The following PDE2A variants were observed in gnomAD, a reference collection of about 807,000 sequenced individuals.
PDE2A encodes the protein cGMP-dependent 3',5'-cyclic phosphodiesterase.
In PDE2A, 53 loss-of-function variants were observed where a neutral mutation model predicts 133.6. That is an observed-to-expected ratio of 0.40 (90% CI 0.32 to 0.50). The LOEUF is 0.50. Among genes scored for constraint, PDE2A ranks in the 20% least tolerant of loss-of-function variants. The pLI, the probability that PDE2A is intolerant of heterozygous loss-of-function variation, is 0.73. For missense variants in PDE2A, 796 were observed against 1,232.4 expected, an observed-to-expected ratio of 0.65 and a Z score of 5.30; for synonymous variants, 491 against 490.2, an observed-to-expected ratio of 1.00 and a Z score of -0.02.
intron 2 of PDE2A, chr11:72,636,189 T>G: frequency 9.7e-7 from 1 of 1,028,666 alleles, no homozygotes; most frequent in African/African-American, 1.7e-5. Context: ...AACAGGAAGG[T>G]CCTGGAGCTG....
In PDE2A at chr11:72,597,778, T is replaced by C. The variant is rs1856554669; in HGVS notation, c.324-159A>G. On this transcript the variant is annotated intron_variant, in intron 4 of 30. Transcript: ENST00000334456. This position sits in a 1 kb window ranked among gnomAD's most constrained non-coding sequence, Gnocchi z 4.6. ...CACGATGACAGCACAAGTAAAAAAG[T>C]AGGGGACCCTGGACCCTATGTGGAG... Among the ~76,000 whole-genome samples the C allele has an allele frequency of 6.6e-6, 1 of 152,166 alleles. No individual in the cohort carries two copies. The highest frequency in any genetic ancestry group is 2.1e-4 in the South Asian group (1 of 4,832).
At chr11:72,627,313 A>T (rs1858130052) in intron 2 of PDE2A, among the ~76,000 whole-genome samples, 1 of 152,340 alleles carries the variant, frequency 6.6e-6, no homozygotes, top group Admixed American at 6.5e-5. Flanking sequence ...CCCGTGGGGT[A>T]ACAGGTTTCC....
chr11:72,590,376 C>G lies in PDE2A; in HGVS notation c.703+51G>C. ...ATCGCCTAACCCGCCCACCTCCCCTCCAAGTTCTGCCCGGCCCCGCCCTCG... is the reference window on the plus strand; with the variant it reads ...ATCGCCTAACCCGCCCACCTCCCCTGCAAGTTCTGCCCGGCCCCGCCCTCG... On this transcript the variant is annotated intron_variant, in intron 8 of 30. Transcript: ENST00000334456. This position sits in a 1 kb window ranked among gnomAD's most constrained non-coding sequence, Gnocchi z 4.8. 6.4e-7 allele frequency: 1 copy of G among 1,562,594 alleles called. No homozygotes were observed. The highest frequency in any genetic ancestry group is 1.2e-5 in the South Asian group (1 of 84,990).
In PDE2A at chr11:72,589,200, G is replaced by A. The variant is rs778574876; in HGVS notation, c.914C>T (p.Ser305Phe). The A allele has an allele frequency of 2.0e-5, 33 of 1,613,750 alleles. No individual in the cohort carries two copies. Among genetic ancestry groups the A allele is most frequent in the Middle Eastern group, 1.6e-4 (1 of 6,084 alleles). The change falls in exon 12 of 31, where the codon TCC becomes TTC. Residue 305 changes from serine (S) to phenylalanine (F), a missense_variant. Physicochemically the swap from Ser to Phe is radical, Grantham distance 155. Around this residue, in one of 7 missense-constraint regions of PDE2A, gnomAD observed 417 missense variants for 475.3 expected, o/e 0.88. Transcript: ENST00000334456. ...GGAGGTGAGGTCCTTCAGCTGGATG[G>A]ACTTCTTGTCTTCCACCACCTGGCC... is the stretch of plus-strand genomic sequence containing the variant. ...CLGQVVEDKKSIQLKDLTSED... is the reference protein window; with the variant it reads ...CLGQVVEDKKFIQLKDLTSED...
intron 2 of PDE2A, chr11:72,631,008 C>T: frequency 7.6e-7 from 1 of 1,313,174 alleles, no homozygotes; most frequent in South Asian, 1.3e-5. Context: ...GAGGGCACCA[C>T]TCAGACTGAT....
chr11:72,602,874 C>A (rs1260118386), intron 4 of PDE2A, among the ~76,000 whole-genome samples: 9 of 152,240 alleles, frequency 5.9e-5, no homozygotes, highest in Admixed American at 2.0e-4. Context: ...AAGTCCCCAT[C>A]CTGCTGGGAG....
chr11:72,595,035 GACAC>G (rs34720227), intron 6 of PDE2A, among the ~76,000 whole-genome samples: 82,271 of 148,590 alleles, frequency 0.55, 22,834 homozygotes, highest in East Asian at 0.72. Flanking sequence ...GCGTCCCTGA[GACAC>G]ACACACACAC....
chr11:72,600,804 C>T (rs1483403096), intron 4 of PDE2A, among the ~76,000 whole-genome samples: 1 of 152,100 alleles, frequency 6.6e-6, no homozygotes, highest in African/African-American at 2.4e-5. Flanking sequence ...GCACTGGGTG[C>T]CTGGGTGGTC....
intron 1 of PDE2A, chr11:72,668,200 T>C: frequency 1.4e-6 from 1 of 714,470 alleles, no homozygotes; most frequent in South Asian, 1.5e-5. Flanking sequence ...TGTCCACATC[T>C]TGCCTGTCTG....
At chr11:72,639,656 CA>C (rs1858866932) in intron 2 of PDE2A, among the ~76,000 whole-genome samples, 1 of 152,214 alleles carries the variant, frequency 6.6e-6, no homozygotes, top group South Asian at 2.1e-4. Flanking sequence ...AAACACCAGT[CA>C]AACTAAGAGA....
chr11:72,648,297 A>T (rs1459400641), intron 1 of PDE2A, among the ~76,000 whole-genome samples: 3 of 152,104 alleles, frequency 2.0e-5, no homozygotes, highest in Admixed American at 6.5e-5. Flanking sequence ...CACCTGCCAG[A>T]GGTGCTGCCC....
At chr11:72,611,850 C>T (rs907122563) in intron 2 of PDE2A, among the ~76,000 whole-genome samples, 2 of 152,168 alleles carry the variant, frequency 1.3e-5, no homozygotes, top group African/African-American at 4.8e-5. Context: ...CATGAATCTT[C>T]CTCAGATCTC....
At chr11:72,648,666 C>A (rs1033388651) in intron 1 of PDE2A, among the ~76,000 whole-genome samples, 43 of 152,148 alleles carry the variant, frequency 2.8e-4, no homozygotes, top group Admixed American at 2.7e-3. Context: ...TAAGACCTGC[C>A]AGCTCACAGG....
At chr11:72,585,067 C>G in intron 16 of PDE2A, 123 bp from the exon 17 acceptor site, 1 of 900,226 alleles carries the variant, frequency 1.1e-6, no homozygotes, top group Admixed American at 2.1e-5. Context: ...GTAAGACACT[C>G]TGCTCAGGGC....
At chr11:72,585,009 T>C in intron 16 of PDE2A, 65 bp from the exon 17 acceptor site, 1 of 1,513,030 alleles carries the variant, frequency 6.6e-7, no homozygotes, top group Admixed American at 1.7e-5. Flanking sequence ...TCACGTCCCA[T>C]AAGGAGGCAA....
intron 2 of PDE2A, chr11:72,615,239 C>G (rs1219146330): frequency 2.5e-5 from 8 of 320,336 alleles, no homozygotes; most frequent in Non-Finnish European, 1.5e-5. Context: ...CCCGGCCTCT[C>G]GCCCTTCCCA....
At chr11:72,626,732 C>T (rs540006464) in intron 2 of PDE2A, among the ~76,000 whole-genome samples, 14 of 152,324 alleles carry the variant, frequency 9.2e-5, no homozygotes, top group Admixed American at 9.1e-4. Context: ...TGGCTCCCGC[C>T]CCTGCCTAGT....
chr11:72,653,103 G>C (rs11604034), intron 1 of PDE2A, among the ~76,000 whole-genome samples: 21,864 of 152,274 alleles, frequency 0.14, 1,724 homozygotes, highest in South Asian at 0.23. Context: ...CTAGCAACAA[G>C]GCACGGTGCA....
At chr11:72,626,254 G>A (rs1007784364) in intron 2 of PDE2A, among the ~76,000 whole-genome samples, 1 of 152,254 alleles carries the variant, frequency 6.6e-6, no homozygotes, top group Non-Finnish European at 1.5e-5. Flanking sequence ...CAGGGGTGTG[G>A]ACAGTGGATG....
Sources: gnomAD v4.1 joint callset for allele counts (sites outside exome capture counted in the v4.1 genomes callset) on GRCh38, gnomAD v4.1.1 for gene constraint, gnomAD v4.1.1 regional missense constraint, Gnocchi (gnomAD v3.1) non-coding constraint, MANE v1.5 for transcripts, NCBI Gene and HGNC (gene_info 2026-07-23, HGNC 2026-07-21) for gene names.